Variants in CACNB4 observed in about 807,000 individuals in gnomAD.
The protein encoded by CACNB4 is calcium voltage-gated channel auxiliary subunit beta 4.
In CACNB4, 32 loss-of-function variants were observed where a neutral mutation model predicts 71.2. The ratio of observed to expected loss-of-function variants is 0.45; its 90% CI spans 0.34 to 0.60. CACNB4 has a LOEUF of 0.60. CACNB4 is among the 20% of genes least tolerant of loss of function. The pLI is 0.01. For synonymous variants in CACNB4, 231 were observed against 236.9 expected, an observed-to-expected ratio of 0.97 and a Z score of 0.23; for missense variants, 464 against 647.9, an observed-to-expected ratio of 0.72 and a Z score of 3.08.
At chr2:151,848,066 G>A (rs1352412414) in intron 12 of CACNB4, among the ~76,000 whole-genome samples, 7 of 152,052 alleles carry the variant, frequency 4.6e-5, no homozygotes, top group African/African-American at 1.2e-4. Context: ...TCCTCCCCAC[G>A]CCCCTCCATC....
chr2:152,002,888 C>G (rs1383911984), intron 2 of CACNB4, among the ~76,000 whole-genome samples: 7 of 152,168 alleles, frequency 4.6e-5, no homozygotes, highest in Admixed American at 4.6e-4. Flanking sequence ...TTTGAAATAA[C>G]TTAGTATTTG....
chr2:152,021,222 G>A (rs778401800), intron 2 of CACNB4, among the ~76,000 whole-genome samples: 5 of 152,104 alleles, frequency 3.3e-5, no homozygotes, highest in Admixed American at 1.3e-4. Flanking sequence ...GCTCCAGCCT[G>A]GTGACACAGC....
chr2:151,920,315 CTTCTT>C lies in CACNB4; in HGVS notation c.148-36950_148-36946del, dbSNP rs1368547565. ...TCTAGAGTCTTTTCTTCTTCTTCTTCTTCTTTTTTTTTTTTTTTTTTTTTGAGACA... is the reference window on the plus strand; with the variant it reads ...TCTAGAGTCTTTTCTTCTTCTTCTTCTTTTTTTTTTTTTTTTTTTGAGACA... On this transcript the variant is annotated intron_variant, in intron 2 of 13. Transcript: ENST00000539935. Among the ~76,000 whole-genome samples the C allele has an allele frequency of 2.3e-4, 19 of 81,050 alleles. 2 individuals carry two copies. In the East Asian group the frequency reaches 9.0e-3, roughly 38 times the overall value. The allele number at this position is 81,050 out of a possible 152,430, so 53.2% of individuals were successfully genotyped here. A position where few individuals can be genotyped will look rare whatever the true frequency, so the allele number is the denominator to read the frequency against.
rs79077249 is a variant in CACNB4, at chr2:152,077,922, A to C, written c.147+20408T>G. Among the ~76,000 whole-genome samples the C allele has an allele frequency of 8.7e-3, 1,318 of 152,230 alleles. 24 individuals carry two copies. Among genetic ancestry groups the C allele is most frequent in the African/African-American group, 0.03 (1,259 of 41,540 alleles). ...GGTTTTAAAACAGAAAAATGGCCTG[A>C]TCTGATTTCCTTTTTAAAAAGATAA... On this transcript the variant is annotated intron_variant, in intron 2 of 13. Transcript: ENST00000539935.
chr2:151,876,481 T>G lies in CACNB4; in HGVS notation c.466A>C (p.Arg156=). 6.2e-7 allele frequency: 1 copy of G among 1,606,300 alleles called. No homozygotes were observed. Among genetic ancestry groups the G allele is most frequent in the African/African-American group, 1.3e-5 (1 of 74,888 alleles). The change falls in exon 5 of 14, where the codon AGA becomes CGA. Residue 156 remains arginine (R), a synonymous_variant. Transcript: ENST00000539935. ...CEIGFIPSPL[R]LENIRIQQEQ... ...TGCTGGATCCGTATGTTCTCCAATCTGAGTGGACTTGGAATGAAGCCAATT... is the reference window on the plus strand; with the variant it reads ...TGCTGGATCCGTATGTTCTCCAATCGGAGTGGACTTGGAATGAAGCCAATT...
chr2:151,947,235 G>C (rs2099865817), intron 2 of CACNB4, among the ~76,000 whole-genome samples: 1 of 152,204 alleles, frequency 6.6e-6, no homozygotes, highest in Admixed American at 6.5e-5. Context: ...GGGCTATGCA[G>C]GCAACAGAAG....
At chr2:151,928,842 G>A (rs544162139) in intron 2 of CACNB4, among the ~76,000 whole-genome samples, 2 of 151,834 alleles carry the variant, frequency 1.3e-5, no homozygotes, top group Admixed American at 1.3e-4. Flanking sequence ...AACCTGGGAG[G>A]CAGAGGTTGC....
chr2:151,847,099 C>CAA lies in CACNB4; in HGVS notation c.1117-5013_1117-5012dup, dbSNP rs397766580. ...AATATAGAGACCCTGAAACTGACAC[C>CAA]AAAAAAAAAAAAAAAAAAAAAGATT... On this transcript the variant is annotated intron_variant, in intron 12 of 13. Transcript: ENST00000539935. 9.8e-3 allele frequency among the ~76,000 whole-genome samples: 781 copies of CAA among 79,694 alleles called. 21 individuals carry two copies. The East Asian group carries it at 0.14, about 14-fold the overall frequency. The allele number at this position is 79,694 out of a possible 152,430, so 52.3% of individuals were successfully genotyped here.
chr2:151,876,941 T>C (rs1248623933), intron 4 of CACNB4, among the ~76,000 whole-genome samples: 1 of 147,108 alleles, frequency 6.8e-6, no homozygotes, highest in Non-Finnish European at 1.5e-5. Flanking sequence ...ATATACTATA[T>C]TTATATAAAC....
intron 5 of CACNB4, among the ~76,000 whole-genome samples, chr2:151,874,465 G>GAAAA (rs539399524): frequency 2.5e-5 from 2 of 78,732 alleles, no homozygotes; most frequent in African/African-American, 4.7e-5. Context: ...GAGACTCTAA[G>GAAAA]AAAAAAAAAA....
Position 151,846,067 on chromosome 2 carries a change from A to T in CACNB4, c.1117-3979T>A, listed in dbSNP as rs142625730. Among the ~76,000 whole-genome samples, 10 of 152,186 alleles carry T rather than the reference A, an allele frequency of 6.6e-5. No individual in the cohort carries two copies. In the East Asian group the frequency reaches 1.5e-3, roughly 23 times the overall value. Reference sequence around the variant, plus strand: ...GGAAATGAATACTTGCAAGGTCTTTAAAAAAAAGTATTTAACCATCTGTTT... The same window carrying T: ...GGAAATGAATACTTGCAAGGTCTTTTAAAAAAAGTATTTAACCATCTGTTT... On this transcript the variant is annotated intron_variant, in intron 12 of 13. Coordinates refer to ENST00000539935, the MANE Select transcript of CACNB4 (RefSeq NM_000726.5).
At chr2:151,986,170 A>G (rs1166913099) in intron 2 of CACNB4, among the ~76,000 whole-genome samples, 1 of 152,168 alleles carries the variant, frequency 6.6e-6, no homozygotes, top group African/African-American at 2.4e-5. Context: ...ACCTTGTGTG[A>G]TCTACTTTCA....
chr2:152,083,926 A>C (rs1687505321), intron 2 of CACNB4, among the ~76,000 whole-genome samples: 2 of 152,192 alleles, frequency 1.3e-5, no homozygotes, highest in South Asian at 4.1e-4. Flanking sequence ...TCAGGCCCTG[A>C]CATCACCTTC....
intron 2 of CACNB4, among the ~76,000 whole-genome samples, chr2:152,054,323 G>C (rs548449994): frequency 1.4e-5 from 2 of 140,672 alleles, no homozygotes; most frequent in Non-Finnish European, 1.5e-5. Context: ...CCGAGATCGC[G>C]CCACTGCACT....
At chr2:151,920,982 C>G (rs911527083) in intron 2 of CACNB4, among the ~76,000 whole-genome samples, 1 of 151,746 alleles carries the variant, frequency 6.6e-6, no homozygotes, top group Non-Finnish European at 1.5e-5. Context: ...ACTAAAAATA[C>G]AAAAAGAAAT....
chr2:151,920,457 G>A (rs1015370726), intron 2 of CACNB4, among the ~76,000 whole-genome samples: 1 of 151,050 alleles, frequency 6.6e-6, no homozygotes, highest in African/African-American at 2.4e-5. Context: ...TGAGTAGCTG[G>A]GACTACAGGC....
At chr2:151,889,557 A>C (rs2099850229) in intron 2 of CACNB4, among the ~76,000 whole-genome samples, 1 of 151,330 alleles carries the variant, frequency 6.6e-6, no homozygotes, top group South Asian at 2.1e-4. Context: ...GTTTGTGCCC[A>C]TTTTTCTCTG....
At chr2:151,882,181 C>CA (rs2099848064) in intron 3 of CACNB4, among the ~76,000 whole-genome samples, 2 of 50,836 alleles carry the variant, frequency 3.9e-5, no homozygotes, top group Non-Finnish European at 7.5e-5. Flanking sequence ...ACCGGCCCCT[C>CA]TTTTTTTTTT....
chr2:151,841,598 T>C, intron 13 of CACNB4: 1 of 291,044 alleles, frequency 3.4e-6, no homozygotes, highest in Non-Finnish European at 6.5e-6. Context: ...TAAAAAAAAG[T>C]AATGGGCAGG....
Sources: allele counts gnomAD v4.1 joint callset (sites outside exome capture counted in the v4.1 genomes callset), GRCh38; gene constraint gnomAD v4.1.1; transcripts MANE v1.5; gene names NCBI Gene and HGNC (gene_info 2026-07-23, HGNC 2026-07-21).